Variants in AHCYL2 observed in about 807,000 individuals in gnomAD.
The protein encoded by AHCYL2 is adenosylhomocysteinase like 2.
AHCYL2 carries 28 observed loss-of-function variants against 81.4 expected under a neutral mutation model. That is an observed-to-expected ratio of 0.34 (90% confidence interval 0.25 to 0.47). The LOEUF (loss-of-function observed/expected upper bound fraction) is 0.47. Ranked by LOEUF, AHCYL2 falls within the 20% of genes least tolerant of loss-of-function variation. The pLI is 1.00. For synonymous variants in AHCYL2, 272 were observed against 290.2 expected (o/e 0.94, Z 0.64); for missense variants, 551 against 785.1 (o/e 0.70, Z 3.56).
At chr7:129,238,947 G>C (rs1009582865) in intron 1 of AHCYL2, among the ~76,000 whole-genome samples, 6 of 151,840 alleles carry the variant, frequency 4.0e-5, no homozygotes, top group African/African-American at 1.5e-4. Flanking sequence ...GCAAAACTCC[G>C]TCTCAAAAAA....
At chr7:129,399,271 AC>A (rs1484940730) in intron 5 of AHCYL2, among the ~76,000 whole-genome samples, 2 of 150,782 alleles carry the variant, frequency 1.3e-5, no homozygotes, top group African/African-American at 4.9e-5. Flanking sequence ...ATATGGTGAA[AC>A]CCCGTCTTTA....
chr7:129,227,473 A>T (rs1380835513), intron 1 of AHCYL2, among the ~76,000 whole-genome samples: 10 of 150,760 alleles, frequency 6.6e-5, no homozygotes. Context: ...AAAAAAAAAA[A>T]AAAAGAGCCG....
chr7:129,254,611 G>T (rs187991818), intron 1 of AHCYL2, among the ~76,000 whole-genome samples: 378 of 152,256 alleles, frequency 2.5e-3, no homozygotes, highest in African/African-American at 8.4e-3. Context: ...CTAGAGCCAG[G>T]TCTCAATTTT....
intron 12 of AHCYL2, among the ~76,000 whole-genome samples, chr7:129,421,211 C>A (rs756191248): frequency 6.7e-6 from 1 of 149,042 alleles, no homozygotes; most frequent in African/African-American, 2.5e-5. Flanking sequence ...AAGATCATGC[C>A]ATTGCACTGC....
intron 1 of AHCYL2, among the ~76,000 whole-genome samples, chr7:129,348,918 T>A (rs1584809019): frequency 6.6e-6 from 1 of 152,160 alleles, no homozygotes; most frequent in Non-Finnish European, 1.5e-5. Context: ...GAAGGGAAGG[T>A]CCCATGGCCC....
At chr7:129,421,698 A>T (rs1181864958) in intron 12 of AHCYL2, among the ~76,000 whole-genome samples, 2 of 152,228 alleles carry the variant, frequency 1.3e-5, no homozygotes, top group African/African-American at 4.8e-5. Context: ...ATATAATTGT[A>T]TATGTCTTTC....
chr7:129,394,817 T>G (rs1011908675), intron 4 of AHCYL2, among the ~76,000 whole-genome samples: 12 of 152,228 alleles, frequency 7.9e-5, no homozygotes, highest in African/African-American at 2.9e-4. Flanking sequence ...TCTATCTTTC[T>G]CAACTAGATC....
chr7:129,400,572 T>A lies in AHCYL2; in HGVS notation c.918+188T>A, dbSNP rs78414944. Among the ~76,000 whole-genome samples, 536 of 152,358 alleles carry A rather than the reference T, an allele frequency of 3.5e-3. 5 individuals are homozygous for A. Among genetic ancestry groups the A allele is most frequent in the African/African-American group, 0.012 (492 of 41,580 alleles). ...TACCCCAAGAGTATTGAAGCTCTTA[T>A]AACCTCAGAGTGCCTTAATTATTGG... On this transcript the variant is annotated intron_variant, in intron 6 of 16. Transcript: ENST00000325006.
chr7:129,245,841 C>G (rs989696908), intron 1 of AHCYL2, among the ~76,000 whole-genome samples: 1 of 152,116 alleles, frequency 6.6e-6, no homozygotes, highest in African/African-American at 2.4e-5. Flanking sequence ...GAAGTCAATA[C>G]TTTGAGTTCT....
rs1276831656 is a variant in AHCYL2 at position 129,225,031 on chromosome 7, A to T, written c.-46A>T. The stretch of plus-strand genomic sequence containing the variant: ...GGGAGGTGGGAGGCGGGGCCGACCA[A>T]GAGCAGGAGCTGGAGTCTGAGCCGG... On this transcript the variant is annotated 5_prime_UTR_variant, in exon 1 of 17. In the 5' UTR this introduces an upstream ATG that the reference lacks. Transcript: ENST00000325006. 2 of 1,557,068 alleles carry T rather than the reference A, an allele frequency of 1.3e-6. No individual in the cohort carries two copies. Among genetic ancestry groups the T allele is most frequent in the African/African-American group, 2.7e-5 (2 of 73,360 alleles).
chr7:129,424,951 T>C lies in AHCYL2; in HGVS notation c.1629+9T>C. 6.2e-7 allele frequency: 1 copy of C among 1,614,010 alleles called. No individual in the cohort carries two copies. The highest frequency in any genetic ancestry group is 8.5e-7 in the Non-Finnish European group (1 of 1,179,970). On this transcript the variant is annotated intron_variant, in intron 14 of 16. Transcript: ENST00000325006. ...TCACTGCTACTACTCAGGTAAGGCT[T>C]CCAGAGTGGGATAGCAGTAGTCTGG... is the stretch of plus-strand genomic sequence containing the variant.
intron 1 of AHCYL2, among the ~76,000 whole-genome samples, chr7:129,287,715 C>A (rs545342895): frequency 6.6e-6 from 1 of 152,250 alleles, no homozygotes; most frequent in African/African-American, 2.4e-5. Flanking sequence ...AACCCTTAAG[C>A]TTTTTAGTGA....
rs970030720 is a variant in AHCYL2 at position 129,275,228 on chromosome 7, C to T, written c.363+49789C>T. Among the ~76,000 whole-genome samples, 2 of 151,876 alleles carry T rather than the reference C, an allele frequency of 1.3e-5. 1 individual carries two copies. Among genetic ancestry groups the T allele is most frequent in the South Asian group, 4.2e-4 (2 of 4,806 alleles). The stretch of plus-strand genomic sequence containing the variant: ...TGAAACCCAATCTCTACTAAAAATA[C>T]AAAAATTAGCCAGGCATGGTGGTGT... On this transcript the variant is annotated intron_variant, in intron 1 of 16. Coordinates refer to ENST00000325006, the MANE Select transcript of AHCYL2 (RefSeq NM_015328.4).
At position 129,237,889 on chromosome 7, in the gene AHCYL2, T is replaced by C. The variant is rs138253685; in HGVS notation, c.363+12450T>C. ...CCCACCACTGCACCCAGCTAATTTTTTTTGTAGTTTTTAATAGAGACAGGG... is the reference window on the plus strand; with the variant it reads ...CCCACCACTGCACCCAGCTAATTTTCTTTGTAGTTTTTAATAGAGACAGGG... On this transcript the variant is annotated intron_variant, in intron 1 of 16. Transcript: ENST00000325006. 1.2e-3 allele frequency among the ~76,000 whole-genome samples: 182 copies of C among 152,110 alleles called. 4 individuals carry two copies. The highest frequency in any genetic ancestry group is 0.01 in the Admixed American group (155 of 15,272).
At chr7:129,358,464 A>G (rs1793820658) in intron 1 of AHCYL2, among the ~76,000 whole-genome samples, 1 of 152,228 alleles carries the variant, frequency 6.6e-6, no homozygotes, top group Admixed American at 6.5e-5. Context: ...ATCCTTGAGA[A>G]CATTATGCTA....
chr7:129,389,571 G>A lies in AHCYL2; in HGVS notation c.620-63G>A, dbSNP rs141148420. ...TTAACTTAAGAAAACAAGTTTTTCT[G>A]TTTGTTCTTTTATCTCTTATTCCTT... On this transcript the variant is annotated intron_variant, in intron 3 of 16. Transcript: ENST00000325006. 1,079 of 1,372,392 alleles carry A rather than the reference G, an allele frequency of 7.9e-4. 16 individuals are homozygous for A. The East Asian group carries it at 0.021, about 26-fold the overall frequency. 85.0% of individuals were successfully genotyped at this position (1,372,392 alleles called of 1,614,324 possible).
rs138720843 is a variant in AHCYL2, at chr7:129,368,673, G to A, written c.364-10965G>A. 525 of 1,181,128 alleles carry A rather than the reference G, an allele frequency of 4.4e-4. 2 individuals carry two copies. The African/African-American group carries it at 7.2e-3, about 16-fold the overall frequency. The allele number at this position is 1,181,128 out of a possible 1,614,324, so 73.2% of individuals were successfully genotyped here. On this transcript the variant is annotated intron_variant, in intron 1 of 16. Coordinates refer to ENST00000325006, the MANE Select transcript of AHCYL2 (RefSeq NM_015328.4). This position sits in a 1 kb window ranked among gnomAD's most constrained non-coding sequence, Gnocchi z 4.4. ...ACCAAGATCCGTGGTTGGAAAAACAGTTATTACTCTACGTTCTGATTAGTT... is the reference window on the plus strand; with the variant it reads ...ACCAAGATCCGTGGTTGGAAAAACAATTATTACTCTACGTTCTGATTAGTT...
chr7:129,384,849 G>A (rs1283042806), intron 2 of AHCYL2, among the ~76,000 whole-genome samples: 1 of 152,186 alleles, frequency 6.6e-6, no homozygotes, highest in East Asian at 1.9e-4. Context: ...ATGTACAATG[G>A]ATGCTTCAAG....
intron 1 of AHCYL2, among the ~76,000 whole-genome samples, chr7:129,279,962 C>G (rs1056462516): frequency 2.6e-5 from 4 of 152,116 alleles, no homozygotes; most frequent in Non-Finnish European, 5.9e-5. Flanking sequence ...GTCTTAGTTA[C>G]CTGTGTCTTG....
Sources: allele counts gnomAD v4.1 joint callset (sites outside exome capture counted in the v4.1 genomes callset), GRCh38; gene constraint gnomAD v4.1.1; non-coding constraint Gnocchi (gnomAD v3.1); transcripts MANE v1.5; gene names NCBI Gene and HGNC (gene_info 2026-07-23, HGNC 2026-07-21).